CADPS: variants seen among roughly 807,000 people sequenced by gnomAD.
CADPS encodes calcium dependent secretion activator.
Under a neutral mutation model 167.3 loss-of-function variants are expected in CADPS, and 57 were observed. That is an observed-to-expected ratio of 0.34 (90% CI 0.28 to 0.42). CADPS has a LOEUF of 0.42. Among genes scored for constraint, CADPS ranks in the 20% least tolerant of loss-of-function variants. The pLI, the probability that CADPS is intolerant of heterozygous loss-of-function variation, is 1.00. For missense variants in CADPS, 1,414 were observed against 1,738.1 expected (o/e 0.81, Z 3.32); for synonymous variants, 676 against 635.3 (o/e 1.06, Z -0.96).
intron 22 of CADPS, among the ~76,000 whole-genome samples, chr3:62,479,849 T>G (rs1444037287): frequency 2.6e-5 from 4 of 152,222 alleles, no homozygotes; most frequent in Admixed American, 1.3e-4. Context: ...GGGGAATGCG[T>G]TGTTTCTCCG....
chr3:62,631,784 T>A (rs530937745), intron 6 of CADPS, among the ~76,000 whole-genome samples: 2 of 152,196 alleles, frequency 1.3e-5, no homozygotes, highest in African/African-American at 4.8e-5. Context: ...CAGGCTCATA[T>A]TTAAAAGCTG....
chr3:62,697,948 T>A (rs1261201624), intron 3 of CADPS, among the ~76,000 whole-genome samples: 1 of 152,048 alleles, frequency 6.6e-6, no homozygotes, highest in Non-Finnish European at 1.5e-5. Context: ...TTTGATGGGG[T>A]TGTTTCTTTC....
intron 1 of CADPS, among the ~76,000 whole-genome samples, chr3:62,855,860 T>TA (rs969178769): frequency 2.6e-5 from 4 of 152,178 alleles, no homozygotes; most frequent in African/African-American, 4.8e-5. Flanking sequence ...GGCAATATGA[T>TA]AAAAAACTCC....
chr3:62,599,804 AATAAATAATATATT>A, intron 6 of CADPS, among the ~76,000 whole-genome samples: 1 of 13,202 alleles, frequency 7.6e-5, no homozygotes, highest in African/African-American at 2.2e-4. Flanking sequence ...TATAATATAT[AATAAATAATATATT>A]ATATATTATA....
chr3:62,767,673 T>A (rs371468858), intron 1 of CADPS, among the ~76,000 whole-genome samples: 14 of 152,220 alleles, frequency 9.2e-5, no homozygotes, highest in African/African-American at 3.4e-4. Context: ...AGTTGGGGAA[T>A]AGTGAAGTCA....
At chr3:62,453,632 T>C (rs1414592504) in intron 26 of CADPS, among the ~76,000 whole-genome samples, 1 of 152,230 alleles carries the variant, frequency 6.6e-6, no homozygotes, top group Non-Finnish European at 1.5e-5. Context: ...GCGGATGTAC[T>C]GGGACTGCGT....
At chr3:62,550,782 T>C in intron 10 of CADPS, 1 of 456,588 alleles carries the variant, frequency 2.2e-6, no homozygotes, top group Non-Finnish European at 4.4e-6. Context: ...GAATAACCAG[T>C]GACCTCCACA....
At chr3:62,464,129 C>T (rs114701498) in intron 26 of CADPS, among the ~76,000 whole-genome samples, 3,507 of 152,218 alleles carry the variant, frequency 0.023, 59 homozygotes, top group Middle Eastern at 0.068. Context: ...CTTTTGCCTA[C>T]GTTATTATCT....
chr3:62,817,622 A>G (rs991415168), intron 1 of CADPS, among the ~76,000 whole-genome samples: 1 of 152,110 alleles, frequency 6.6e-6, no homozygotes, highest in Non-Finnish European at 1.5e-5. Flanking sequence ...GAAAACGTCC[A>G]TGGTTTACTC....
At chr3:62,469,860 G>A (rs893606048) in intron 24 of CADPS, among the ~76,000 whole-genome samples, 8 of 152,282 alleles carry the variant, frequency 5.3e-5, no homozygotes, top group African/African-American at 1.4e-4. Context: ...TATATCCTGA[G>A]GGAACTACTA....
At chr3:62,684,807 C>T (rs556190917) in intron 3 of CADPS, among the ~76,000 whole-genome samples, 2 of 152,036 alleles carry the variant, frequency 1.3e-5, no homozygotes, top group East Asian at 1.9e-4. Flanking sequence ...GGACAGGATA[C>T]TTTAGTACAA....
intron 14 of CADPS, among the ~76,000 whole-genome samples, chr3:62,517,367 A>C (rs1367537781): frequency 6.6e-6 from 1 of 152,062 alleles, no homozygotes; most frequent in Non-Finnish European, 1.5e-5. Flanking sequence ...TGCCAGCTGG[A>C]TTGCCTTGGG....
intron 1 of CADPS, among the ~76,000 whole-genome samples, chr3:62,872,973 A>T (rs2082901255): frequency 6.6e-6 from 1 of 152,246 alleles, no homozygotes. Context: ...AATGTGAACT[A>T]TTAGGCCCCG....
intron 1 of CADPS, among the ~76,000 whole-genome samples, chr3:62,807,060 T>C (rs929019968): frequency 3.9e-5 from 6 of 152,226 alleles, no homozygotes; most frequent in Non-Finnish European, 2.9e-5. Flanking sequence ...GTTTTCATGA[T>C]ATATTATTGC....
chr3:62,617,781 A>G (rs1417475589), intron 6 of CADPS, among the ~76,000 whole-genome samples: 2 of 152,142 alleles, frequency 1.3e-5, no homozygotes, highest in Non-Finnish European at 2.9e-5. Context: ...TTGCTGAAGA[A>G]AGGGTAGAAA....
At chr3:62,577,406 A>G (rs758813796) in intron 8 of CADPS, among the ~76,000 whole-genome samples, 10 of 152,142 alleles carry the variant, frequency 6.6e-5, no homozygotes, top group Admixed American at 5.9e-4. Context: ...AAAATTTCTT[A>G]TAAGAACAGA....
intron 28 of CADPS, among the ~76,000 whole-genome samples, chr3:62,405,462 A>AT (rs1412759692): frequency 3.9e-4 from 58 of 150,032 alleles, no homozygotes; most frequent in Non-Finnish European, 6.4e-4. Flanking sequence ...AAAAAAAAAA[A>AT]AATAAAATAA....
At chr3:62,827,525 TC>T (rs2074286054) in intron 1 of CADPS, among the ~76,000 whole-genome samples, 1 of 152,176 alleles carries the variant, frequency 6.6e-6, no homozygotes, top group Non-Finnish European at 1.5e-5. Flanking sequence ...AAGTCAGGTT[TC>T]AAATGAGATG....
intron 3 of CADPS, among the ~76,000 whole-genome samples, chr3:62,749,654 G>A (rs2082261975): frequency 6.6e-6 from 1 of 152,202 alleles, no homozygotes; most frequent in African/African-American, 2.4e-5. Flanking sequence ...GTGAGTAAAT[G>A]TATAATTTCA....
Sources: allele counts gnomAD v4.1 joint callset (sites outside exome capture counted in the v4.1 genomes callset), GRCh38; gene constraint gnomAD v4.1.1; transcripts MANE v1.5; gene names NCBI Gene and HGNC (gene_info 2026-07-23, HGNC 2026-07-21).